Variants in PTPN2 observed in about 807,000 individuals in gnomAD.
PTPN2 encodes the protein tyrosine-protein phosphatase non-receptor type 2.
A neutral mutation model predicts 57.3 loss-of-function variants in PTPN2; 19 were observed. The ratio of observed to expected loss-of-function variants is 0.33; its 90% CI spans 0.23 to 0.49. The LOEUF is 0.49. Among genes scored for constraint, PTPN2 ranks in the 20% least tolerant of loss-of-function variants. PTPN2 has a pLI of 0.99. For missense variants in PTPN2, 358 were observed against 501.1 expected (o/e 0.71, Z 2.73); for synonymous variants, 153 against 164.9 (o/e 0.93, Z 0.55).
At chr18:12,805,300 T>C (rs1251843510) in intron 7 of PTPN2, among the ~76,000 whole-genome samples, 1 of 151,624 alleles carries the variant, frequency 6.6e-6, no homozygotes, top group East Asian at 2.0e-4. Flanking sequence ...CTACTATAAA[T>C]ACAAAAAATA....
chr18:12,829,647 C>T (rs1376571196), intron 4 of PTPN2, among the ~76,000 whole-genome samples: 1 of 151,920 alleles, frequency 6.6e-6, no homozygotes, highest in Non-Finnish European at 1.5e-5. Context: ...CATAATAATT[C>T]AACCTCTCCT....
Position 12,794,465 on chromosome 18 carries a change from C to T in PTPN2, c.1061G>A (p.Arg354Gln), listed in dbSNP as rs754147924. Residue 354 changes from arginine (R) to glutamine (Q), a missense_variant, in exon 9 of 9, where the codon CGA (arginine) becomes CAA (glutamine). By Grantham distance (43) the Arg-to-Gln change is conservative (BLOSUM62 1). This residue lies in a region of PTPN2 where 96 missense variants were observed against 110.8 expected (regional missense o/e 0.87). Transcript: ENST00000309660. ...AGCTGTGGTGGCCTTTCTGTCCTCT[C>T]GAATACGTTTCCGTAGAGCACTATG... ...NSESALRKRIREDRKATTAQK... is the reference protein window; with the variant it reads ...NSESALRKRIQEDRKATTAQK... 10 of 1,613,640 alleles carry T rather than the reference C, an allele frequency of 6.2e-6. No homozygotes were observed. Among genetic ancestry groups the T allele is most frequent in the East Asian group, 4.5e-5 (2 of 44,884 alleles).
chr18:12,835,987 G>C (rs1568129608), intron 3 of PTPN2, among the ~76,000 whole-genome samples: 1 of 152,024 alleles, frequency 6.6e-6, no homozygotes, highest in African/African-American at 2.4e-5. Context: ...TAGTATAATA[G>C]CTCATAGTTA....
At chr18:12,817,920 C>A (rs2042132859) in intron 5 of PTPN2, among the ~76,000 whole-genome samples, 1 of 152,288 alleles carries the variant, frequency 6.6e-6, no homozygotes, top group African/African-American at 2.4e-5. Flanking sequence ...GTGGGCAGAT[C>A]ACTTGAGGTC....
At chr18:12,866,871 G>C (rs144342261) in intron 1 of PTPN2, among the ~76,000 whole-genome samples, 3,579 of 152,088 alleles carry the variant, frequency 0.024, 155 homozygotes, top group African/African-American at 0.081. Flanking sequence ...TGGCCATGGT[G>C]GTGGGCACCT....
chr18:12,796,191 A>C (rs1185120432), intron 8 of PTPN2, among the ~76,000 whole-genome samples: 1 of 152,224 alleles, frequency 6.6e-6, no homozygotes, highest in Non-Finnish European at 1.5e-5. Context: ...ATTAAAGGAG[A>C]CCAAAGAATC....
intron 1 of PTPN2, among the ~76,000 whole-genome samples, chr18:12,873,441 C>A (rs1282795926): frequency 6.6e-6 from 1 of 152,238 alleles, no homozygotes; most frequent in Non-Finnish European, 1.5e-5. Context: ...GTGCGCGCCG[C>A]CATGCCTGAC....
chr18:12,870,454 TATATATATAGAGAG>T (rs1568169807), intron 1 of PTPN2, among the ~76,000 whole-genome samples: 4 of 44,326 alleles, frequency 9.0e-5, no homozygotes, highest in African/African-American at 5.7e-4. Context: ...TATATATATA[TATATATATAGAGAG>T]AGAGAGAGAG....
chr18:12,864,149 C>G (rs1413386649), intron 1 of PTPN2: 1 of 146,024 alleles, frequency 6.8e-6, no homozygotes, highest in African/African-American at 2.5e-5. Flanking sequence ...AAAGGAAAAA[C>G]AAATCAGTAA....
At chr18:12,789,850 A>C (rs1031784266), downstream of PTPN2, among the ~76,000 whole-genome samples, 10 of 130,132 alleles carry the variant, frequency 7.7e-5, no homozygotes, top group South Asian at 6.4e-4. Flanking sequence ...TATTTTATAT[A>C]TCTCTCTGTA....
intron 7 of PTPN2, among the ~76,000 whole-genome samples, chr18:12,812,846 A>C (rs1043588881): frequency 6.6e-6 from 1 of 152,190 alleles, no homozygotes; most frequent in African/African-American, 2.4e-5. Context: ...CTTAGAATTG[A>C]GAGCCTGAGG....
chr18:12,859,478 TC>T (rs1436716988), intron 1 of PTPN2, among the ~76,000 whole-genome samples: 1 of 152,198 alleles, frequency 6.6e-6, no homozygotes, highest in Non-Finnish European at 1.5e-5. Flanking sequence ...AGGTTAAAAA[TC>T]CACCAAAGAT....
intron 2 of PTPN2, among the ~76,000 whole-genome samples, chr18:12,850,063 G>T (rs1482680704): frequency 6.6e-6 from 1 of 152,022 alleles, no homozygotes; most frequent in Non-Finnish European, 1.5e-5. Flanking sequence ...ATTTAGTTTA[G>T]TTGGTCCCTT....
At chr18:12,817,632 C>G (rs1168413502) in intron 5 of PTPN2, among the ~76,000 whole-genome samples, 1 of 152,028 alleles carries the variant, frequency 6.6e-6, no homozygotes, top group East Asian at 1.9e-4. Context: ...TAACTCAATC[C>G]ACACAATAAT....
chr18:12,802,009 G>C lies in PTPN2; in HGVS notation c.1001C>G (p.Ser334Cys). The part of the protein sequence containing the change: ...KLTGDRCTGL[S>C]SKMQDTMEEN... ...CTCCATTGTATCTTGCATTTTAGAG[G>C]AAAGTCCTGTACATCGGTCACCTGT... Residue 334 changes from serine to cysteine, a missense_variant, in exon 8 of 9, where the codon TCC (serine) becomes TGC (cysteine). Ser to Cys is a moderately radical substitution (Grantham distance 112, BLOSUM62 -1). This residue lies in a region of PTPN2 where 96 missense variants were observed against 110.8 expected (regional missense o/e 0.87). Coordinates refer to ENST00000309660, the MANE Select transcript of PTPN2 (RefSeq NM_002828.4). 5 of 1,610,420 alleles carry C rather than the reference G, an allele frequency of 3.1e-6. No homozygotes were observed. In the South Asian group the frequency reaches 5.5e-5, roughly 18 times the overall value.
intron 7 of PTPN2, among the ~76,000 whole-genome samples, 162 bp from the exon 8 acceptor site, chr18:12,802,313 G>C (rs2041461785): frequency 6.6e-6 from 1 of 152,136 alleles, no homozygotes; most frequent in African/African-American, 2.4e-5. Flanking sequence ...ACTGTAGCTT[G>C]TAACAACTAT....
chr18:12,850,929 G>A (rs531985400), intron 2 of PTPN2, among the ~76,000 whole-genome samples: 4 of 152,120 alleles, frequency 2.6e-5, no homozygotes, highest in South Asian at 4.2e-4. Flanking sequence ...TAGTAGAGAC[G>A]AGGTTTCTCC....
Position 12,793,204 on chromosome 18 carries a change from AAC to A in PTPN2, c.*1072_*1073del. ...TTCAAATGAGCAGTTAAATTCATTAAACAGTTTGCTTTAAAAAATATTCATTA... is the reference window on the plus strand; with the variant it reads ...TTCAAATGAGCAGTTAAATTCATTAAAGTTTGCTTTAAAAAATATTCATTA... On this transcript the variant is annotated 3_prime_UTR_variant, in exon 9 of 9. Coordinates refer to ENST00000309660, the MANE Select transcript of PTPN2 (RefSeq NM_002828.4). 1.0e-6 allele frequency: 1 copy of A among 982,504 alleles called. No individual in the cohort carries two copies. Among genetic ancestry groups the A allele is most frequent in the Non-Finnish European group, 1.2e-6 (1 of 828,056 alleles). 60.9% of individuals were successfully genotyped at this position (982,504 alleles called of 1,614,324 possible). A position where few individuals can be genotyped will look rare whatever the true frequency, so the allele number is the denominator to read the frequency against.
At chr18:12,859,044 G>A (rs1006603503) in intron 2 of PTPN2, 120 bp downstream of exon 2, 21 of 612,570 alleles carry the variant, frequency 3.4e-5, no homozygotes, top group South Asian at 1.1e-4. Flanking sequence ...CGTGTCTTAC[G>A]TAAATAGGAA....
Sources: allele counts gnomAD v4.1 joint callset (sites outside exome capture counted in the v4.1 genomes callset), GRCh38; gene constraint gnomAD v4.1.1; regional missense constraint gnomAD v4.1.1; transcripts MANE v1.5; gene names NCBI Gene and HGNC (gene_info 2026-07-23, HGNC 2026-07-21).